Variants in EFCAB13 observed in about 807,000 individuals in gnomAD.
EFCAB13 encodes the protein EF-hand calcium-binding domain-containing protein 13.
EFCAB13 carries 91 observed loss-of-function variants against 110.2 expected under a neutral mutation model. That is an observed-to-expected ratio of 0.83 (90% confidence interval 0.70 to 0.98). EFCAB13 has a LOEUF of 0.98. EFCAB13 is among the 50% of genes least tolerant of loss of function. EFCAB13 has a pLI of 0.00. For synonymous variants in EFCAB13, 323 were observed against 369.9 expected (o/e 0.87, Z 1.45); for missense variants, 968 against 1,119.4 (o/e 0.86, Z 1.93).
At chr17:47,366,828 G>A (rs1326061174) in intron 10 of EFCAB13, among the ~76,000 whole-genome samples, 1 of 152,188 alleles carries the variant, frequency 6.6e-6, no homozygotes, top group East Asian at 1.9e-4. Flanking sequence ...TTGAGCAAGA[G>A]CTAATGAATC....
intron 12 of EFCAB13, among the ~76,000 whole-genome samples, chr17:47,377,319 AC>A (rs1437433304): frequency 4.6e-5 from 7 of 151,840 alleles, no homozygotes; most frequent in African/African-American, 9.7e-5. Context: ...GCACCATCAC[AC>A]CCAGCTAATT....
chr17:47,343,436 C>T (rs1355467148), intron 6 of EFCAB13, among the ~76,000 whole-genome samples: 1 of 151,990 alleles, frequency 6.6e-6, no homozygotes, highest in Non-Finnish European at 1.5e-5. Flanking sequence ...TTTAATCATA[C>T]TTTTTCACTG....
intron 4 of EFCAB13, 101 bp downstream of exon 4, chr17:47,328,484 A>G: frequency 1.0e-6 from 1 of 972,418 alleles, no homozygotes; most frequent in African/African-American, 1.7e-5. Context: ...TCATAGAGTA[A>G]TAGTTATAAG....
At position 47,350,601 on chromosome 17, in the gene EFCAB13, G is replaced by GTT. The variant is rs148096538; in HGVS notation, c.661+2658_661+2659dup. 7.3e-5 allele frequency among the ~76,000 whole-genome samples: 11 copies of GTT among 150,108 alleles called. No individual in the cohort carries two copies. In the South Asian group the frequency reaches 1.1e-3, roughly 14 times the overall value. ...CGCCTTTGTTTGTGTGTGTGTGTGTGTTTTTTTTTCTGTTGAAATCTCTCA... is the reference window on the plus strand; with the variant it reads ...CGCCTTTGTTTGTGTGTGTGTGTGTGTTTTTTTTTTTCTGTTGAAATCTCTCA... On this transcript the variant is annotated intron_variant, in intron 9 of 24. Transcript: ENST00000331493.
intron 9 of EFCAB13, among the ~76,000 whole-genome samples, chr17:47,359,383 T>A (rs2065497823): frequency 6.6e-6 from 1 of 152,048 alleles, no homozygotes; most frequent in Non-Finnish European, 1.5e-5. Context: ...AATGAACAAA[T>A]AATGCCCAGT....
At chr17:47,400,685 C>G (rs902381067) in intron 17 of EFCAB13, among the ~76,000 whole-genome samples, 3 of 149,938 alleles carry the variant, frequency 2.0e-5, no homozygotes, top group African/African-American at 7.4e-5. Flanking sequence ...CTTCCCTCTC[C>G]TTCCCTTCCC....
At chr17:47,368,006 G>T (rs1165283130) in intron 10 of EFCAB13, among the ~76,000 whole-genome samples, 1 of 152,124 alleles carries the variant, frequency 6.6e-6, no homozygotes, top group African/African-American at 2.4e-5. Flanking sequence ...TCAGATTCAA[G>T]CAGAGCATAT....
intron 14 of EFCAB13, among the ~76,000 whole-genome samples, chr17:47,388,284 A>G (rs561872881): frequency 2.0e-5 from 3 of 152,284 alleles, no homozygotes; most frequent in African/African-American, 7.2e-5. Context: ...CCACTGTAGA[A>G]ATGAAGATTT....
intron 14 of EFCAB13, among the ~76,000 whole-genome samples, chr17:47,384,095 C>A (rs113600793): frequency 0.033 from 4,856 of 148,234 alleles, 118 homozygotes; most frequent in Non-Finnish European, 0.05. Context: ...CTTTTTTGAT[C>A]TTTGTTGGTT....
intron 9 of EFCAB13, among the ~76,000 whole-genome samples, chr17:47,359,662 A>T (rs1485220553): frequency 1.3e-5 from 2 of 150,668 alleles, no homozygotes; most frequent in African/African-American, 2.4e-5. Context: ...TTTAGGGTAC[A>T]TGTGTACAAT....
rs73324416 is a variant in EFCAB13 at position 47,333,718 on chromosome 17, C to T, written c.31-1478C>T. 8.7e-3 allele frequency among the ~76,000 whole-genome samples: 1,321 copies of T among 152,230 alleles called. 18 individuals carry two copies. Among genetic ancestry groups the T allele is most frequent in the African/African-American group, 0.031 (1,267 of 41,520 alleles). ...CTTTCCCCATTGTGTGTACTTGGCA[C>T]CTTTGTTGAAAATCAGCTGACTGTA... On this transcript the variant is annotated intron_variant, in intron 4 of 24. Transcript: ENST00000331493.
chr17:47,431,252 C>G lies in EFCAB13; in HGVS notation c.2638+1291C>G, dbSNP rs1262498920. 6.6e-6 allele frequency among the ~76,000 whole-genome samples: 1 copy of G among 151,948 alleles called. No individual in the cohort carries two copies. Among genetic ancestry groups the G allele is most frequent in the African/African-American group, 2.4e-5 (1 of 41,394 alleles). Reference sequence around the variant, plus strand: ...ATTAACCAACCCCTTTTTTTAATCTCCTTCCGCCTATATCCTAACATCTAT... The same window carrying G: ...ATTAACCAACCCCTTTTTTTAATCTGCTTCCGCCTATATCCTAACATCTAT... On this transcript the variant is annotated intron_variant, in intron 24 of 24. Transcript: ENST00000331493. This position sits in a 1 kb window ranked among gnomAD's most constrained non-coding sequence, Gnocchi z 4.1.
chr17:47,361,425 GTT>G lies in EFCAB13; in HGVS notation c.711_712del (p.Ser238AsnfsTer2). The G allele has an allele frequency of 6.2e-7, 1 of 1,613,922 alleles. No homozygotes were observed. Among genetic ancestry groups the G allele is most frequent in the Non-Finnish European group, 8.5e-7 (1 of 1,179,904 alleles). On this transcript the variant is annotated frameshift_variant, in exon 10 of 25. Transcript: ENST00000331493. LOFTEE classifies it high-confidence loss of function. Reference protein sequence around the residue: ...KIFCRIKGGRVSTDDVFAVLD... With the variant: ...KIFCRIKGGRXSTDDVFAVLD... ...TTTCTGTAGGATAAAAGGTGGTCGA[GTT>G]TCAACTGATGACGTGTTTGCTGTTT... is the stretch of plus-strand genomic sequence containing the variant.
In EFCAB13 at chr17:47,377,751, A is replaced by G. The variant is rs747571730; in HGVS notation, c.1373-15A>G. On this transcript the variant is annotated splice_polypyrimidine_tract_variant and intron_variant, in intron 12 of 24. Transcript: ENST00000331493. ...ATTCTGTTGCCTAATAGTTCTCTACATTTTGTGTATTTAGAAAACTTCTGT... is the reference window on the plus strand; with the variant it reads ...ATTCTGTTGCCTAATAGTTCTCTACGTTTTGTGTATTTAGAAAACTTCTGT... 1 of 1,555,988 alleles carries G rather than the reference A, an allele frequency of 6.4e-7. No individual in the cohort carries two copies. The highest frequency in any genetic ancestry group is 2.2e-5 in the Admixed American group (1 of 45,030).
intron 10 of EFCAB13, among the ~76,000 whole-genome samples, chr17:47,361,915 G>A (rs1265828137): frequency 6.6e-6 from 1 of 152,036 alleles, no homozygotes; most frequent in African/African-American, 2.4e-5. Context: ...AAACAATTTT[G>A]CTATGCCCTT....
intron 10 of EFCAB13, chr17:47,369,964 A>G (rs2143344918): frequency 6.0e-6 from 1 of 165,318 alleles, no homozygotes; most frequent in Non-Finnish European, 1.3e-5. Context: ...CTATGTAGAC[A>G]TTACATTGTT....
intron 23 of EFCAB13, among the ~76,000 whole-genome samples, chr17:47,425,111 T>C (rs1424516131): frequency 6.6e-6 from 1 of 151,122 alleles, no homozygotes; most frequent in Non-Finnish European, 1.5e-5. Flanking sequence ...CTCGATCTCC[T>C]GACCTCGTGA....
chr17:47,348,018 A>G lies in EFCAB13; in HGVS notation c.661+67A>G, dbSNP rs561951074. Reference sequence around the variant, plus strand: ...CATAAATATGTTTGTCAGATTAATTACAAATGATAGGAAAGCTAAACCTTA... The same window carrying G: ...CATAAATATGTTTGTCAGATTAATTGCAAATGATAGGAAAGCTAAACCTTA... On this transcript the variant is annotated intron_variant, in intron 9 of 24. Coordinates refer to ENST00000331493, the MANE Select transcript of EFCAB13 (RefSeq NM_152347.5). 4 of 1,233,632 alleles carry G rather than the reference A, an allele frequency of 3.2e-6. No homozygotes were observed. In the South Asian group the frequency reaches 1.3e-4, roughly 39 times the overall value. The allele number at this position is 1,233,632 out of a possible 1,614,324, so 76.4% of individuals were successfully genotyped here.
In EFCAB13 at chr17:47,361,521, A is replaced by C. The variant is rs750581818; in HGVS notation, c.805A>C (p.Ser269Arg). 3 of 369,032 alleles carry C rather than the reference A, an allele frequency of 8.1e-6. No homozygotes were observed. The South Asian group carries it at 9.7e-5, about 12-fold the overall frequency. The allele number at this position is 369,032 out of a possible 1,614,324, so 22.9% of individuals were successfully genotyped here. ...EEVTKHTYIDSNHMVDIGDII... is the reference protein window; with the variant it reads ...EEVTKHTYIDRNHMVDIGDII... ...AGTGACAAAACATACCTATATTGAC[A>C]GTGAGTTATTTGCATTGAGATATAT... The change falls in exon 10 of 25, where the codon AGT becomes CGT. Residue 269 changes from serine to arginine, a missense_variant and splice_region_variant. Coordinates refer to ENST00000331493, the MANE Select transcript of EFCAB13 (RefSeq NM_152347.5).
Sources: allele counts gnomAD v4.1 joint callset (sites outside exome capture counted in the v4.1 genomes callset), GRCh38; gene constraint gnomAD v4.1.1; non-coding constraint Gnocchi (gnomAD v3.1); transcripts MANE v1.5; gene names NCBI Gene and HGNC (gene_info 2026-07-23, HGNC 2026-07-21).